Variants in PCDH9 observed in about 807,000 individuals in gnomAD.
PCDH9 encodes the protein protocadherin 9, also known as protocadherin-9.
PCDH9 carries 24 observed loss-of-function variants against 70.6 expected under a neutral mutation model. The ratio of observed to expected loss-of-function variants is 0.34; its 90% CI spans 0.25 to 0.48. The LOEUF (loss-of-function observed/expected upper bound fraction) is 0.48, where lower values mean the gene tolerates loss of function less well. Ranked by LOEUF, PCDH9 falls within the 20% of genes least tolerant of loss-of-function variation. PCDH9 has a pLI of 0.99. For synonymous variants in PCDH9, 562 were observed against 558.5 expected (o/e 1.01, Z -0.09); for missense variants, 1,281 against 1,503.6 (o/e 0.85, Z 2.45).
At chr13:66,358,421 A>G (rs1956419153) in intron 4 of PCDH9, among the ~76,000 whole-genome samples, 1 of 152,034 alleles carries the variant, frequency 6.6e-6, no homozygotes, top group African/African-American at 2.4e-5. Flanking sequence ...ATCTCGCTAT[A>G]TGAGGTATGC....
chr13:67,014,902 T>A (rs1433617198), intron 2 of PCDH9, among the ~76,000 whole-genome samples: 22 of 152,072 alleles, frequency 1.4e-4, no homozygotes, highest in Admixed American at 1.4e-3. Flanking sequence ...GTTACCAAAT[T>A]TCTTGAATTA....
intron 2 of PCDH9, among the ~76,000 whole-genome samples, chr13:67,114,166 G>A (rs1927825): frequency 0.2 from 31,049 of 152,064 alleles, 3,365 homozygotes; most frequent in Middle Eastern, 0.26. Flanking sequence ...CCCTGGACTG[G>A]AGTTCTGTTT....
At chr13:66,914,737 T>C (rs1316575601) in intron 2 of PCDH9, among the ~76,000 whole-genome samples, 1 of 151,836 alleles carries the variant, frequency 6.6e-6, no homozygotes, top group Non-Finnish European at 1.5e-5. Context: ...TAAAAATACA[T>C]ATAAGAAATA....
At chr13:66,654,251 G>C (rs754981699) in intron 3 of PCDH9, among the ~76,000 whole-genome samples, 2 of 152,084 alleles carry the variant, frequency 1.3e-5, no homozygotes, top group Non-Finnish European at 2.9e-5. Context: ...TTATCTGTGG[G>C]AGCTAAAAAT....
chr13:66,985,994 A>G (rs1566342308), intron 2 of PCDH9, among the ~76,000 whole-genome samples: 1 of 152,042 alleles, frequency 6.6e-6, no homozygotes, highest in Non-Finnish European at 1.5e-5. Flanking sequence ...GGTGAGGTGT[A>G]TTAGTCTGTT....
chr13:66,581,854 C>T (rs948794304), intron 4 of PCDH9, among the ~76,000 whole-genome samples: 3 of 152,058 alleles, frequency 2.0e-5, no homozygotes, highest in Non-Finnish European at 4.4e-5. Flanking sequence ...AAACTTATAC[C>T]GTCCACCAGT....
chr13:66,528,332 A>G (rs1960301629), intron 4 of PCDH9, among the ~76,000 whole-genome samples: 1 of 152,124 alleles, frequency 6.6e-6, no homozygotes, highest in African/African-American at 2.4e-5. Context: ...TCGGCAATAC[A>G]AGGTCACTCA....
At chr13:66,750,119 TGAG>T (rs2079434567) in intron 3 of PCDH9, among the ~76,000 whole-genome samples, 6 of 151,842 alleles carry the variant, frequency 4.0e-5, no homozygotes, top group Admixed American at 3.9e-4. Flanking sequence ...AATAAAAAAA[TGAG>T]GAGTAAGATA....
intron 4 of PCDH9, among the ~76,000 whole-genome samples, chr13:66,607,585 T>C (rs1277991275): frequency 1.3e-5 from 2 of 152,100 alleles, no homozygotes; most frequent in Non-Finnish European, 2.9e-5. Flanking sequence ...TAATTAGTTA[T>C]GTTACATAAA....
At chr13:67,067,866 C>A (rs1419529594) in intron 2 of PCDH9, among the ~76,000 whole-genome samples, 1 of 151,818 alleles carries the variant, frequency 6.6e-6, no homozygotes, top group Non-Finnish European at 1.5e-5. Context: ...TGTAAGTGTT[C>A]TTGGTCAGAA....
chr13:66,442,454 G>T lies in PCDH9; in HGVS notation c.3341-137426C>A, dbSNP rs1957991921. ...TTGGAGAAATGTGCAAAAATGATTT[G>T]TTCCTCTCCTCATCGAGTCATGGAG... is the stretch of plus-strand genomic sequence containing the variant. On this transcript the variant is annotated intron_variant, in intron 4 of 4. Transcript: ENST00000377865. Among the ~76,000 whole-genome samples, 4 of 152,030 alleles carry T rather than the reference G, an allele frequency of 2.6e-5. No individual in the cohort carries two copies. The South Asian group carries it at 8.3e-4, about 32-fold the overall frequency.
At chr13:66,664,040 A>G (rs528018400) in intron 3 of PCDH9, among the ~76,000 whole-genome samples, 3 of 152,330 alleles carry the variant, frequency 2.0e-5, no homozygotes, top group South Asian at 4.1e-4. Context: ...GACACACTGA[A>G]AACAGCCAGC....
At chr13:66,717,480 A>AAAAATAT (rs1566145314) in intron 3 of PCDH9, among the ~76,000 whole-genome samples, 2 of 44,434 alleles carry the variant, frequency 4.5e-5, no homozygotes, top group African/African-American at 8.8e-5. Context: ...AAAAAAAAAA[A>AAAAATAT]ATATATATAT....
At chr13:66,614,280 G>A (rs1198987448) in intron 4 of PCDH9, among the ~76,000 whole-genome samples, 1 of 152,192 alleles carries the variant, frequency 6.6e-6, no homozygotes, top group Non-Finnish European at 1.5e-5. Flanking sequence ...GTAAGTGGTG[G>A]AAGAATTGTG....
At chr13:66,951,425 T>A (rs890960801) in intron 2 of PCDH9, among the ~76,000 whole-genome samples, 1 of 152,158 alleles carries the variant, frequency 6.6e-6, no homozygotes, top group African/African-American at 2.4e-5. Context: ...TGTTTTTTGT[T>A]TGTTTTTCAT....
intron 3 of PCDH9, among the ~76,000 whole-genome samples, chr13:66,875,646 T>G (rs945634417): frequency 2.6e-5 from 4 of 152,218 alleles, no homozygotes; most frequent in African/African-American, 7.2e-5. Flanking sequence ...CCACTTACCA[T>G]AAGAATCACG....
chr13:67,167,109 C>T (rs900462761), intron 2 of PCDH9, among the ~76,000 whole-genome samples: 2 of 152,108 alleles, frequency 1.3e-5, no homozygotes, highest in Non-Finnish European at 2.9e-5. Flanking sequence ...ATAAAATATT[C>T]ATGCTACATT....
At chr13:66,458,725 A>G (rs1416078968) in intron 4 of PCDH9, among the ~76,000 whole-genome samples, 1 of 152,066 alleles carries the variant, frequency 6.6e-6, no homozygotes, top group African/African-American at 2.4e-5. Context: ...AAATGGTGAC[A>G]TTCGAAGAGT....
intron 3 of PCDH9, among the ~76,000 whole-genome samples, chr13:66,681,960 T>C (rs1227348239): frequency 1.3e-5 from 2 of 148,968 alleles, no homozygotes; most frequent in Admixed American, 1.3e-4. Context: ...CATATATATA[T>C]ATATATATTT....
Sources: allele counts gnomAD v4.1 joint callset (sites outside exome capture counted in the v4.1 genomes callset), GRCh38; gene constraint gnomAD v4.1.1; transcripts MANE v1.5; gene names NCBI Gene and HGNC (gene_info 2026-07-23, HGNC 2026-07-21).